GAREM1: variants seen among roughly 807,000 people sequenced by gnomAD.
GAREM1 encodes GRB2 associated regulator of MAPK1 subtype 1.
A neutral mutation model predicts 71.3 loss-of-function variants in GAREM1; 26 were observed. The observed-to-expected ratio is 0.36, with a 90% CI of 0.27 to 0.51. The LOEUF is 0.51. GAREM1 is among the 20% of genes least tolerant of loss of function. The pLI, the probability that GAREM1 is intolerant of heterozygous loss-of-function variation, is 0.95. For synonymous variants in GAREM1, 440 were observed against 433.2 expected (o/e 1.02, Z -0.20); for missense variants, 1,026 against 1,103.1 (o/e 0.93, Z 0.99).
rs532500101 is a variant in GAREM1 at position 32,270,327 on chromosome 18, C to T, written c.1623G>A (p.Lys541=). Residue 541 remains lysine (K), a synonymous_variant, in exon 5 of 6, where the codon AAG becomes AAA. Transcript: ENST00000269209. ...NAPPVPPRSA[K]PLSTSPSIPP... is the part of the protein sequence containing the mutation. The stretch of plus-strand genomic sequence containing the variant: ...GGATGGAGGGACTGGTGGACAAAGG[C>T]TTTGCGCTTCGGGGTGGAACAGGTG... 3 of 1,613,878 alleles carry T rather than the reference C, an allele frequency of 1.9e-6. No individual in the cohort carries two copies. Among genetic ancestry groups the T allele is most frequent in the Non-Finnish European group, 2.5e-6 (3 of 1,179,988 alleles).
intron 4 of GAREM1, among the ~76,000 whole-genome samples, chr18:32,281,826 C>T (rs543186292): frequency 6.6e-6 from 1 of 152,156 alleles, no homozygotes; most frequent in Admixed American, 6.5e-5. Flanking sequence ...GTGACTTGCA[C>T]GTATATGCCC....
At chr18:32,276,344 C>T (rs1349164947) in intron 4 of GAREM1, among the ~76,000 whole-genome samples, 1 of 152,202 alleles carries the variant, frequency 6.6e-6, no homozygotes, top group Non-Finnish European at 1.5e-5. Flanking sequence ...TCTTTTCCTA[C>T]AGCCTCTATT....
Position 32,427,656 on chromosome 18 carries a change from CA to C in GAREM1, c.122-34622del, listed in dbSNP as rs1367226503. 4.6e-5 allele frequency among the ~76,000 whole-genome samples: 7 copies of C among 152,132 alleles called. No homozygotes were observed. The East Asian group carries it at 1.3e-3, about 29-fold the overall frequency. On this transcript the variant is annotated intron_variant, in intron 1 of 5. Coordinates refer to ENST00000269209, the MANE Select transcript of GAREM1 (RefSeq NM_001242409.2). ...TTATATTCTGTCACATCATAAAAAT[CA>C]AAATCAGACACGTGAAGATAAGTGA...
At chr18:32,381,450 T>C (rs1214629463) in intron 2 of GAREM1, among the ~76,000 whole-genome samples, 1 of 152,238 alleles carries the variant, frequency 6.6e-6, no homozygotes, top group Non-Finnish European at 1.5e-5. Flanking sequence ...CCTTAAAAGC[T>C]AGGGGAAAAA....
chr18:32,393,004 G>A lies in GAREM1; in HGVS notation c.153C>T (p.Asp51=), dbSNP rs775269229. The change falls in exon 2 of 6, where the codon GAC becomes GAT. Residue 51 remains aspartate (D), a synonymous_variant. Transcript: ENST00000269209. ...GECVEGLREN[D]YLLIHSCRQW... is the part of the protein sequence containing the mutation. ...GGCGGCAGGAATGAATCAGCAGATA[G>A]TCATTTTCCCGCAGCCCTTCTACGC... The A allele has an allele frequency of 1.2e-6, 2 of 1,613,738 alleles. No homozygotes were observed. Among genetic ancestry groups the A allele is most frequent in the Admixed American group, 3.3e-5 (2 of 59,968 alleles).
chr18:32,437,633 T>C (rs1392658097), intron 1 of GAREM1, among the ~76,000 whole-genome samples: 1 of 152,034 alleles, frequency 6.6e-6, no homozygotes, highest in Non-Finnish European at 1.5e-5. Flanking sequence ...CCAAGCTGAT[T>C]ACCCCGAGAA....
Position 32,321,344 on chromosome 18 carries a change from T to C in GAREM1, c.263-11021A>G, listed in dbSNP as rs574246705. 5.3e-5 allele frequency among the ~76,000 whole-genome samples: 8 copies of C among 152,312 alleles called. No homozygotes were observed. In the South Asian group the frequency reaches 1.7e-3, roughly 32 times the overall value. On this transcript the variant is annotated intron_variant, in intron 2 of 5. Coordinates refer to ENST00000269209, the MANE Select transcript of GAREM1 (RefSeq NM_001242409.2). ...GCCTTTGCTCATGCTCTTTTCTCAG[T>C]CTGTGCAAAAATATCGACCCTTTTA...
intron 2 of GAREM1, among the ~76,000 whole-genome samples, chr18:32,358,793 G>A (rs2047832194): frequency 6.6e-6 from 1 of 152,142 alleles, no homozygotes; most frequent in Non-Finnish European, 1.5e-5. Flanking sequence ...GGAAGTAGTA[G>A]CAACCTCACT....
At chr18:32,400,131 TG>T (rs1296688727) in intron 1 of GAREM1, among the ~76,000 whole-genome samples, 2 of 152,184 alleles carry the variant, frequency 1.3e-5, no homozygotes, top group African/African-American at 4.8e-5. Context: ...TGTAGAAAGC[TG>T]AAACTGGATC....
intron 1 of GAREM1, among the ~76,000 whole-genome samples, chr18:32,467,912 T>C (rs1489772755): frequency 6.6e-6 from 1 of 151,740 alleles, no homozygotes; most frequent in African/African-American, 2.4e-5. Context: ...CTAAACTGTG[T>C]GAAACATGTT....
intron 4 of GAREM1, among the ~76,000 whole-genome samples, chr18:32,271,134 T>C (rs969278777): frequency 2.7e-4 from 41 of 151,934 alleles, no homozygotes; most frequent in East Asian, 1.2e-3. Context: ...TCCCAAAGCA[T>C]TGGGATTATA....
chr18:32,364,028 GTT>G (rs1157200391), intron 2 of GAREM1, among the ~76,000 whole-genome samples: 19 of 21,668 alleles, frequency 8.8e-4, no homozygotes, highest in Admixed American at 4.8e-3. Context: ...ATATATATAT[GTT>G]TTTTTTTTTT....
chr18:32,412,019 C>T (rs1340894083), intron 1 of GAREM1, among the ~76,000 whole-genome samples: 7 of 152,068 alleles, frequency 4.6e-5, no homozygotes, highest in Non-Finnish European at 1.0e-4. Context: ...CTAAAATAAC[C>T]TGTTATACAA....
At chr18:32,418,200 A>G (rs1433348187) in intron 1 of GAREM1, among the ~76,000 whole-genome samples, 2 of 152,222 alleles carry the variant, frequency 1.3e-5, no homozygotes, top group Non-Finnish European at 2.9e-5. Flanking sequence ...GAATAATCAC[A>G]TACATATAAT....
intron 4 of GAREM1, among the ~76,000 whole-genome samples, chr18:32,276,845 T>C (rs942494987): frequency 1.3e-5 from 2 of 151,568 alleles, no homozygotes; most frequent in Non-Finnish European, 2.9e-5. Flanking sequence ...AGATCCCAGA[T>C]GAGAAGTGAA....
At chr18:32,415,684 A>T (rs1370154922) in intron 1 of GAREM1, among the ~76,000 whole-genome samples, 8 of 151,990 alleles carry the variant, frequency 5.3e-5, no homozygotes, top group Non-Finnish European at 1.0e-4. Context: ...CCTTTATGAT[A>T]AAAAAACCTC....
chr18:32,353,554 T>C (rs150132847), intron 2 of GAREM1, among the ~76,000 whole-genome samples: 1 of 152,352 alleles, frequency 6.6e-6, no homozygotes, highest in African/African-American at 2.4e-5. Context: ...AATAGGGCCT[T>C]CTTTACCTAT....
At chr18:32,389,011 T>C (rs1320268395) in intron 2 of GAREM1, among the ~76,000 whole-genome samples, 8 of 152,044 alleles carry the variant, frequency 5.3e-5, no homozygotes, top group Admixed American at 5.2e-4. Context: ...CTCAAATAAC[T>C]GAGAAAAAAA....
intron 2 of GAREM1, among the ~76,000 whole-genome samples, chr18:32,367,246 T>C (rs2047935480): frequency 6.6e-6 from 1 of 152,178 alleles, no homozygotes; most frequent in Non-Finnish European, 1.5e-5. Context: ...CTAATAGCAA[T>C]AGTGCTTAAG....
Sources: allele counts gnomAD v4.1 joint callset (sites outside exome capture counted in the v4.1 genomes callset), GRCh38; gene constraint gnomAD v4.1.1; transcripts MANE v1.5; gene names NCBI Gene and HGNC (gene_info 2026-07-23, HGNC 2026-07-21).